Variants in MYCBP2 observed in about 807,000 individuals in gnomAD.
MYCBP2 encodes MYC binding protein 2, also known as E3 ubiquitin-protein ligase MYCBP2.
A neutral mutation model predicts 525.3 loss-of-function variants in MYCBP2; 120 were observed. That is an observed-to-expected ratio of 0.23 (90% CI 0.20 to 0.27). MYCBP2 has a LOEUF of 0.27. Among genes scored for constraint, MYCBP2 ranks in the 10% least tolerant of loss-of-function variants. MYCBP2 has a pLI of 1.00. For synonymous variants in MYCBP2, 1,894 were observed against 1,955.8 expected, an observed-to-expected ratio of 0.97 and a Z score of 0.83; for missense variants, 4,149 against 5,657.1, an observed-to-expected ratio of 0.73 and a Z score of 8.55.
chr13:77,111,088 A>T (rs1179201311), intron 55 of MYCBP2, among the ~76,000 whole-genome samples: 1 of 152,198 alleles, frequency 6.6e-6, no homozygotes, highest in Admixed American at 6.5e-5. Context: ...GTTTGAGAGA[A>T]TAACAAAGTG....
chr13:77,222,497 A>AT lies in MYCBP2; in HGVS notation c.2939+1953dup, dbSNP rs569552291. On this transcript the variant is annotated intron_variant, in intron 20 of 82. Transcript: ENST00000544440. ...ACTCAGGACATTCCCTTTTGTTGCCATTTTTTATGCAGTGCCCACAGATCT... is the reference window on the plus strand; with the variant it reads ...ACTCAGGACATTCCCTTTTGTTGCCATTTTTTTATGCAGTGCCCACAGATCT... Among the ~76,000 whole-genome samples, 209 of 152,164 alleles carry AT rather than the reference A, an allele frequency of 1.4e-3. 1 individual carries two copies. The highest frequency in any genetic ancestry group is 4.8e-3 in the African/African-American group (200 of 41,544).
At chr13:77,268,795 A>T (rs1279082972) in intron 7 of MYCBP2, among the ~76,000 whole-genome samples, 1 of 152,136 alleles carries the variant, frequency 6.6e-6, no homozygotes, top group Non-Finnish European at 1.5e-5. Flanking sequence ...AAAAAAAAAA[A>T]TTTAATTTCA....
chr13:77,282,862 C>T (rs914250159), intron 3 of MYCBP2, among the ~76,000 whole-genome samples: 1 of 152,104 alleles, frequency 6.6e-6, no homozygotes, highest in Non-Finnish European at 1.5e-5. Context: ...CTTTTTCAGT[C>T]GTTATAGCCA....
In MYCBP2 at chr13:77,064,599, A is replaced by ACAAAG; in HGVS notation, c.12672+11_12672+15dup. On this transcript the variant is annotated intron_variant, in intron 73 of 82. Coordinates refer to ENST00000544440, the MANE Select transcript of MYCBP2 (RefSeq NM_015057.5). The stretch of plus-strand genomic sequence containing the variant: ...CACACCAAATTTAAAACAAAACAAA[A>ACAAAG]CAAAGCAAAACCTACTCTAGTTGTT... 6.3e-7 allele frequency: 1 copy of ACAAAG among 1,589,200 alleles called. No homozygotes were observed. The highest frequency in any genetic ancestry group is 8.6e-7 in the Non-Finnish European group (1 of 1,166,606).
In MYCBP2 at chr13:77,185,106, A is replaced by G. The variant is rs765897692; in HGVS notation, c.4716T>C (p.Asp1572=). 3 of 1,613,282 alleles carry G rather than the reference A, an allele frequency of 1.9e-6. No homozygotes were observed. The Admixed American group carries it at 5.0e-5, about 27-fold the overall frequency. The change falls in exon 32 of 83, where the codon GAT becomes GAC. Residue 1572 remains aspartate (D), a synonymous_variant. Coordinates refer to ENST00000544440, the MANE Select transcript of MYCBP2 (RefSeq NM_015057.5). The part of the protein sequence containing the change: ...ACLCDLLNCL[D]QDIQEANFKT... ...ACATTTTACAAACTTAAATTACCTG[A>G]TCCAAACAATTCAGCAGATCACAAA...
At chr13:77,253,042 A>T (rs1372961781) in intron 14 of MYCBP2, among the ~76,000 whole-genome samples, 1 of 152,080 alleles carries the variant, frequency 6.6e-6, no homozygotes, top group South Asian at 2.1e-4. Flanking sequence ...ATTTATAAAG[A>T]AAAAGGTTGA....
Position 77,189,066 on chromosome 13 carries a change from T to C in MYCBP2, c.4155-19A>G, listed in dbSNP as rs577829991. ...TGGAAGTCTAAAGGCAGTAGACACA[T>C]ATAAAATTATGTTAGAAAGTCCAAT... On this transcript the variant is annotated intron_variant, in intron 29 of 82. Coordinates refer to ENST00000544440, the MANE Select transcript of MYCBP2 (RefSeq NM_015057.5). 6.5e-7 allele frequency: 1 copy of C among 1,539,210 alleles called. No homozygotes were observed. The highest frequency in any genetic ancestry group is 1.2e-5 in the South Asian group (1 of 82,634).
At chr13:77,268,046 T>G (rs2074347555) in intron 7 of MYCBP2, 109 bp from the exon 8 acceptor site, 1 of 630,284 alleles carries the variant, frequency 1.6e-6, no homozygotes, top group Admixed American at 2.9e-5. Flanking sequence ...AATACATCAA[T>G]ATTGATGTCT....
intron 73 of MYCBP2, among the ~76,000 whole-genome samples, 153 bp from the exon 74 acceptor site, chr13:77,062,850 G>C (rs375513411): frequency 1.3e-5 from 2 of 152,160 alleles, no homozygotes; most frequent in East Asian, 3.9e-4. Context: ...TGTGGTAGCA[G>C]GCATACACGA....
intron 1 of MYCBP2, among the ~76,000 whole-genome samples, chr13:77,315,134 A>G (rs916336119): frequency 6.6e-6 from 1 of 152,234 alleles, no homozygotes; most frequent in African/African-American, 2.4e-5. Context: ...TAACTATTAA[A>G]GAACGTGAAT....
chr13:77,257,575 A>T, intron 14 of MYCBP2, 96 bp downstream of exon 14: 1 of 1,214,384 alleles, frequency 8.2e-7, no homozygotes, highest in East Asian at 2.6e-5. Flanking sequence ...AAGAAGAGCC[A>T]CTCATTTTGA....
chr13:77,055,444 A>G, intron 80 of MYCBP2, 114 bp downstream of exon 80: 1 of 867,864 alleles, frequency 1.2e-6, no homozygotes, highest in Non-Finnish European at 1.7e-6. Context: ...AAGCTATCTT[A>G]TTTTTAACTT....
In MYCBP2 at chr13:77,044,989, C is replaced by G. The variant is rs2035285335; in HGVS notation, c.*389G>C. The G allele has an allele frequency of 5.0e-6, 2 of 401,552 alleles. No individual in the cohort carries two copies. Among genetic ancestry groups the G allele is most frequent in the Non-Finnish European group, 8.8e-6 (2 of 227,850 alleles). 24.9% of individuals were successfully genotyped at this position (401,552 alleles called of 1,614,324 possible). On this transcript the variant is annotated 3_prime_UTR_variant, in exon 83 of 83. Transcript: ENST00000544440. ...CCCGTGATGCAATTGTACAGGATTA[C>G]AAAAAGGCAGTATACAATAAACAAT...
chr13:77,277,936 T>C (rs2075804450), intron 4 of MYCBP2, among the ~76,000 whole-genome samples: 1 of 152,226 alleles, frequency 6.6e-6, no homozygotes, highest in Non-Finnish European at 1.5e-5. Flanking sequence ...TATATTTCTA[T>C]TCCTTAGTAC....
chr13:77,086,448 G>C (rs1388710184), intron 62 of MYCBP2, among the ~76,000 whole-genome samples: 1 of 151,928 alleles, frequency 6.6e-6, no homozygotes, highest in Non-Finnish European at 1.5e-5. Flanking sequence ...TATTCTGCTT[G>C]GGGTTTACTG....
chr13:77,187,781 T>G (rs1000770736), intron 30 of MYCBP2, among the ~76,000 whole-genome samples: 35 of 152,118 alleles, frequency 2.3e-4, no homozygotes, highest in Middle Eastern at 3.2e-3. Flanking sequence ...GTGCGGTGGC[T>G]CACACCTGTA....
chr13:77,310,382 T>C (rs2080033434), intron 1 of MYCBP2, among the ~76,000 whole-genome samples: 1 of 152,144 alleles, frequency 6.6e-6, no homozygotes, highest in Non-Finnish European at 1.5e-5. Flanking sequence ...ATAGTCTACA[T>C]GCCAAAAACA....
At chr13:77,216,192 G>A (rs755917825) in intron 21 of MYCBP2, among the ~76,000 whole-genome samples, 1 of 152,006 alleles carries the variant, frequency 6.6e-6, no homozygotes, top group Non-Finnish European at 1.5e-5. Flanking sequence ...AGATAATCTA[G>A]GCACCCAAAT....
intron 20 of MYCBP2, among the ~76,000 whole-genome samples, chr13:77,219,078 T>C (rs1056725023): frequency 1.3e-5 from 2 of 152,078 alleles, no homozygotes; most frequent in African/African-American, 4.8e-5. Context: ...TGAGAATGAA[T>C]GAGATCTAGG....
Sources: allele counts gnomAD v4.1 joint callset (sites outside exome capture counted in the v4.1 genomes callset), GRCh38; gene constraint gnomAD v4.1.1; transcripts MANE v1.5; gene names NCBI Gene and HGNC (gene_info 2026-07-23, HGNC 2026-07-21).